PCM1: variants seen among roughly 807,000 people sequenced by gnomAD.
PCM1 encodes pericentriolar material 1, also known as pericentriolar material 1 protein.
PCM1 carries 157 observed loss-of-function variants against 241.9 expected under a neutral mutation model. The ratio of observed to expected loss-of-function variants is 0.65; its 90% CI spans 0.57 to 0.74. The LOEUF (loss-of-function observed/expected upper bound fraction) is 0.74. Ranked by LOEUF, PCM1 falls within the 30% of genes least tolerant of loss-of-function variation. PCM1 has a pLI of 0.00. For missense variants in PCM1, 3,478 were observed against 2,360.1 expected (o/e 1.47, Z -9.81); for synonymous variants, 1,085 against 784.9 (o/e 1.38, Z -6.39).
intron 2 of PCM1, among the ~76,000 whole-genome samples, chr8:17,930,401 C>T (rs1419321620): frequency 1.3e-5 from 2 of 151,846 alleles, no homozygotes; most frequent in African/African-American, 4.8e-5. Context: ...CTGCGCCTGA[C>T]CGTTACTGGA....
intron 9 of PCM1, among the ~76,000 whole-genome samples, chr8:17,954,392 A>G (rs1487573719): frequency 6.7e-6 from 1 of 149,702 alleles, no homozygotes; most frequent in Non-Finnish European, 1.5e-5. Flanking sequence ...GTGCCATTGC[A>G]CTCCAGCCTG....
At chr8:17,942,023 A>T (rs2062230996) in intron 6 of PCM1, among the ~76,000 whole-genome samples, 1 of 151,828 alleles carries the variant, frequency 6.6e-6, no homozygotes, top group African/African-American at 2.4e-5. Flanking sequence ...TTTGTTATAT[A>T]CCTCTCCATG....
intron 6 of PCM1, chr8:17,940,239 G>C (rs1165642576): frequency 1.4e-6 from 1 of 714,194 alleles, no homozygotes; most frequent in Non-Finnish European, 2.4e-6. Context: ...TATTTTTATA[G>C]GCGTTCCTTA....
intron 29 of PCM1, among the ~76,000 whole-genome samples, chr8:17,995,698 CATGGA>C (rs1249842782): frequency 2.0e-5 from 3 of 146,352 alleles, no homozygotes; most frequent in Admixed American, 2.0e-4. Flanking sequence ...AATCCATGAA[CATGGA>C]ATATCTTTCC....
intron 36 of PCM1, among the ~76,000 whole-genome samples, chr8:18,015,222 T>C (rs1355156594): frequency 6.7e-6 from 1 of 150,138 alleles, no homozygotes; most frequent in Non-Finnish European, 1.5e-5. Context: ...TAAAACAGTT[T>C]GACAACAGAA....
At chr8:18,025,282 G>C (rs1168261243) in intron 36 of PCM1, 79 bp from the exon 37 acceptor site, 2 of 789,992 alleles carry the variant, frequency 2.5e-6, no homozygotes, top group African/African-American at 3.5e-5. Flanking sequence ...GAATTACTGA[G>C]AAAATAATTC....
At chr8:17,954,378 G>T (rs1332374903) in intron 9 of PCM1, among the ~76,000 whole-genome samples, 1 of 148,468 alleles carries the variant, frequency 6.7e-6, no homozygotes, top group Non-Finnish European at 1.5e-5. Context: ...GGTGAGCCAA[G>T]ATCGTGCCAT....
chr8:17,985,800 G>A (rs1055289110), intron 25 of PCM1, among the ~76,000 whole-genome samples, 159 bp from the exon 26 acceptor site: 2 of 151,550 alleles, frequency 1.3e-5, no homozygotes, highest in Non-Finnish European at 3.0e-5. Flanking sequence ...TTTTTTTTGA[G>A]TACTTTTTCA....
At chr8:18,011,409 TG>T (rs780338351) in intron 33 of PCM1, 43 bp downstream of exon 33, 1 of 1,450,058 alleles carries the variant, frequency 6.9e-7, no homozygotes, top group East Asian at 2.4e-5. Flanking sequence ...TTTAGTTTTT[TG>T]TAGGTCATTT....
At chr8:17,952,841 C>G in intron 8 of PCM1, 129 bp from the exon 9 acceptor site, 1 of 623,590 alleles carries the variant, frequency 1.6e-6, no homozygotes, top group South Asian at 2.2e-5. Flanking sequence ...AGGGTATATA[C>G]TTACCTACCA....
Position 18,027,809 on chromosome 8 carries a change from GTT to G in PCM1, c.*149_*150del. 1 of 451,654 alleles carries G rather than the reference GTT, an allele frequency of 2.2e-6. No homozygotes were observed. Among genetic ancestry groups the G allele is most frequent in the Non-Finnish European group, 3.9e-6 (1 of 256,582 alleles). The allele number at this position is 451,654 out of a possible 1,614,324, so 28.0% of individuals were successfully genotyped here. A position where few individuals can be genotyped will look rare whatever the true frequency, so the allele number is the denominator to read the frequency against. On this transcript the variant is annotated 3_prime_UTR_variant, in exon 39 of 39. Coordinates refer to ENST00000325083, the MANE Select transcript of PCM1 (RefSeq NM_006197.4). The stretch of plus-strand genomic sequence containing the variant: ...GGTGTGGTCATTTCTCCCCATGGTA[GTT>G]TAAAACATCAGAAACTGAATTCTGG...
intron 23 of PCM1, among the ~76,000 whole-genome samples, chr8:17,975,316 A>C (rs948765640): frequency 6.6e-6 from 1 of 152,078 alleles, no homozygotes; most frequent in African/African-American, 2.4e-5. Context: ...GGCATGTGCC[A>C]CCACACCCGG....
At chr8:17,943,803 CCT>C (rs1185313022) in intron 6 of PCM1, among the ~76,000 whole-genome samples, 4 of 152,106 alleles carry the variant, frequency 2.6e-5, no homozygotes, top group South Asian at 2.1e-4. Context: ...CCACCCCACC[CCT>C]GTTTCCTCCT....
chr8:17,948,189 T>A (rs1208261711), intron 7 of PCM1, among the ~76,000 whole-genome samples: 1 of 152,142 alleles, frequency 6.6e-6, no homozygotes, highest in East Asian at 1.9e-4. Context: ...TGAATCAGTT[T>A]ATTCTGCTGT....
At chr8:18,010,892 G>C (rs528607077) in intron 32 of PCM1, among the ~76,000 whole-genome samples, 2 of 152,260 alleles carry the variant, frequency 1.3e-5, no homozygotes, top group South Asian at 2.1e-4. Flanking sequence ...AGAATTGCTA[G>C]AACCTGGGAG....
At chr8:17,998,134 C>G (rs895744119) in intron 29 of PCM1, among the ~76,000 whole-genome samples, 2 of 152,104 alleles carry the variant, frequency 1.3e-5, no homozygotes. Flanking sequence ...TCTGAAAGGT[C>G]ACATATCTCT....
At chr8:17,950,539 T>G (rs1440557010) in intron 7 of PCM1, 76 bp from the exon 8 acceptor site, 1 of 759,710 alleles carries the variant, frequency 1.3e-6, no homozygotes, top group East Asian at 2.8e-5. Context: ...TTTTTTAAAT[T>G]TATTTTTAGC....
At chr8:18,000,654 T>G (rs2089016803) in intron 29 of PCM1, among the ~76,000 whole-genome samples, 1 of 152,032 alleles carries the variant, frequency 6.6e-6, no homozygotes, top group South Asian at 2.1e-4. Flanking sequence ...AGAGGCTCAC[T>G]CTTATCACCC....
intron 24 of PCM1, chr8:17,982,390 A>AT (rs2081165613): frequency 6.6e-6 from 1 of 152,170 alleles, no homozygotes; most frequent in Non-Finnish European, 1.5e-5. Flanking sequence ...TTCAGGCCCT[A>AT]TTACTGTTAC....
Sources: gnomAD v4.1 joint callset for allele counts (sites outside exome capture counted in the v4.1 genomes callset) on GRCh38, gnomAD v4.1.1 for gene constraint, MANE v1.5 for transcripts, NCBI Gene and HGNC (gene_info 2026-07-23, HGNC 2026-07-21) for gene names.